The following PITPNA variants were observed in gnomAD, a reference collection of about 807,000 sequenced individuals.
PITPNA encodes phosphatidylinositol transfer protein alpha isoform.
A neutral mutation model predicts 50.3 loss-of-function variants in PITPNA; 13 were observed. The ratio of observed to expected loss-of-function variants is 0.26; its 90% CI spans 0.17 to 0.41. The LOEUF (loss-of-function observed/expected upper bound fraction) is 0.41. Ranked by LOEUF, PITPNA falls within the 10% of genes least tolerant of loss-of-function variation. The pLI is 1.00. For synonymous variants in PITPNA, 120 were observed against 119.6 expected (o/e 1.00, Z -0.02); for missense variants, 207 against 333.4 (o/e 0.62, Z 2.95).
chr17:1,548,227 A>G, intron 4 of PITPNA, 69 bp downstream of exon 4: 2 of 1,002,434 alleles, frequency 2.0e-6, no homozygotes, highest in Admixed American at 2.2e-5. Flanking sequence ...CTAATCCGGA[A>G]CACGCAGGTG....
At chr17:1,558,410 A>C in intron 2 of PITPNA, 119 bp downstream of exon 2, 1 of 692,502 alleles carries the variant, frequency 1.4e-6, no homozygotes, top group Non-Finnish European at 2.5e-6. Flanking sequence ...TCACATTGAA[A>C]TATTTATGTT....
intron 6 of PITPNA, among the ~76,000 whole-genome samples, chr17:1,540,823 G>A (rs377037822): frequency 2.6e-4 from 39 of 152,280 alleles, no homozygotes; most frequent in African/African-American, 8.9e-4. Flanking sequence ...CTGACCTCGT[G>A]ATCCGCCTGC....
intron 10 of PITPNA, among the ~76,000 whole-genome samples, chr17:1,524,269 G>C (rs34879372): frequency 0.43 from 64,269 of 148,018 alleles, 13,948 homozygotes; most frequent in East Asian, 0.55. Context: ...TGGTCTCCAT[G>C]TCCTGACCTC....
rs1384549841 is a variant in PITPNA at position 1,562,331 on chromosome 17, C to G, written c.20+210G>C. 6.7e-6 allele frequency among the ~76,000 whole-genome samples: 1 copy of G among 150,118 alleles called. No homozygotes were observed. The highest frequency in any genetic ancestry group is 1.5e-5 in the Non-Finnish European group (1 of 67,370). On this transcript the variant is annotated intron_variant, in intron 1 of 11. Coordinates refer to ENST00000313486, the MANE Select transcript of PITPNA (RefSeq NM_006224.4). The surrounding 1 kb of genome is among the most constrained non-coding windows in gnomAD (Gnocchi z 6.4). ...CCTCCACGCCCCGGCCGCCCCTCCA[C>G]GCCCCGGCCGCCCCTCCGTGCCCCG...
chr17:1,546,906 AT>A (rs1174047703), intron 4 of PITPNA, among the ~76,000 whole-genome samples: 1 of 152,226 alleles, frequency 6.6e-6, no homozygotes, highest in Non-Finnish European at 1.5e-5. Flanking sequence ...GAAAATAATT[AT>A]ACCTGTATCC....
chr17:1,532,224 AT>A (rs1456826198), intron 10 of PITPNA, among the ~76,000 whole-genome samples: 1 of 152,002 alleles, frequency 6.6e-6, no homozygotes, highest in African/African-American at 2.4e-5. Context: ...AGCAGCTGGG[AT>A]TACAGGTGTC....
chr17:1,541,700 TC>T, intron 5 of PITPNA, 60 bp from the exon 6 acceptor site: 17 of 1,075,910 alleles, frequency 1.6e-5, no homozygotes, highest in Non-Finnish European at 2.3e-5. Flanking sequence ...AGTAACCATC[TC>T]CCATTACTGG....
chr17:1,536,426 G>C (rs555333457), intron 7 of PITPNA, among the ~76,000 whole-genome samples: 2 of 146,370 alleles, frequency 1.4e-5, no homozygotes, highest in African/African-American at 5.1e-5. Flanking sequence ...CAACTGGGAC[G>C]ACAGGTGCCC....
intron 2 of PITPNA, among the ~76,000 whole-genome samples, chr17:1,555,241 T>G (rs1001473867): frequency 6.6e-6 from 1 of 152,228 alleles, no homozygotes; most frequent in African/African-American, 2.4e-5. Flanking sequence ...GGGCAGGTTC[T>G]AAGAGGATCA....
Position 1,549,818 on chromosome 17 carries a change from G to A in PITPNA, c.198-1431C>T, listed in dbSNP as rs1163882576. Among the ~76,000 whole-genome samples, 2 of 145,262 alleles carry A rather than the reference G, an allele frequency of 1.4e-5. 1 individual carries two copies. The highest frequency in any genetic ancestry group is 4.9e-4 in the East Asian group (2 of 4,098). ...GCCTCCTAAGTAGCTGGGACTACAG[G>A]CATGCGCCACCACGCCCAGCTAATT... On this transcript the variant is annotated intron_variant, in intron 3 of 11. Coordinates refer to ENST00000313486, the MANE Select transcript of PITPNA (RefSeq NM_006224.4).
chr17:1,555,801 TGCCAG>T (rs1365881275), intron 2 of PITPNA, among the ~76,000 whole-genome samples: 1 of 152,228 alleles, frequency 6.6e-6, no homozygotes, highest in African/African-American at 2.4e-5. Flanking sequence ...GGCCGACCTG[TGCCAG>T]GAAGCACTGG....
intron 2 of PITPNA, among the ~76,000 whole-genome samples, chr17:1,557,391 T>G (rs1342420144): frequency 2.6e-5 from 4 of 152,168 alleles, no homozygotes; most frequent in Non-Finnish European, 5.9e-5. Flanking sequence ...GTGGAAGTTA[T>G]CACAGGAGCT....
chr17:1,542,070 G>C (rs901199731), intron 5 of PITPNA, among the ~76,000 whole-genome samples: 2 of 151,932 alleles, frequency 1.3e-5, no homozygotes, highest in African/African-American at 2.4e-5. Flanking sequence ...CATGGTGGCG[G>C]GTGCCTGTAA....
At chr17:1,549,965 G>A (rs1170660529) in intron 3 of PITPNA, among the ~76,000 whole-genome samples, 2 of 152,144 alleles carry the variant, frequency 1.3e-5, no homozygotes, top group African/African-American at 4.8e-5. Flanking sequence ...GTGAGCCACC[G>A]CGCCCAGCCG....
intron 6 of PITPNA, among the ~76,000 whole-genome samples, chr17:1,540,343 G>C (rs2075641859): frequency 6.6e-6 from 1 of 152,116 alleles, no homozygotes; most frequent in Non-Finnish European, 1.5e-5. Flanking sequence ...TCCTCTTCTT[G>C]CTTGTCCCTC....
chr17:1,518,207 G>A lies in PITPNA; in HGVS notation c.*2354C>T, dbSNP rs1189539968. 1.3e-5 allele frequency: 2 copies of A among 152,350 alleles called. No homozygotes were observed. The highest frequency in any genetic ancestry group is 1.9e-4 in the East Asian group (1 of 5,192). 9.4% of individuals were successfully genotyped at this position (152,350 alleles called of 1,614,324 possible). On this transcript the variant is annotated 3_prime_UTR_variant, in exon 12 of 12. Transcript: ENST00000313486. ...CTTGGGAAGCTATACACATGCCCAC[G>A]ATACTGACCCTGTCCCGGACCTCTC... is the stretch of plus-strand genomic sequence containing the variant.
In PITPNA at chr17:1,522,832, G is replaced by A. The variant is rs1033110603; in HGVS notation, c.769-1187C>T. ...TGTCAGCTAGGACTGTGGGCTGCTC[G>A]GATACAGAATGACTGTGGGTAAGTG... On this transcript the variant is annotated intron_variant, in intron 10 of 11. Coordinates refer to ENST00000313486, the MANE Select transcript of PITPNA (RefSeq NM_006224.4). Among the ~76,000 whole-genome samples the A allele has an allele frequency of 5.3e-5, 8 of 152,204 alleles. No homozygotes were observed. In the South Asian group the frequency reaches 6.2e-4, roughly 12 times the overall value.
chr17:1,538,718 A>T, intron 7 of PITPNA, 151 bp downstream of exon 7: 1 of 546,966 alleles, frequency 1.8e-6, no homozygotes, highest in Non-Finnish European at 3.2e-6. Flanking sequence ...CAAGACAAGA[A>T]ATCTCCTAAT....
chr17:1,538,604 CA>C (rs927462994), intron 7 of PITPNA: 5 of 312,618 alleles, frequency 1.6e-5, no homozygotes, highest in African/African-American at 1.1e-4. Flanking sequence ...TTTAGCAGGG[CA>C]AAATACTCTA....
Sources: gnomAD v4.1 joint callset for allele counts (sites outside exome capture counted in the v4.1 genomes callset) on GRCh38, gnomAD v4.1.1 for gene constraint, Gnocchi (gnomAD v3.1) non-coding constraint, MANE v1.5 for transcripts, NCBI Gene and HGNC (gene_info 2026-07-23, HGNC 2026-07-21) for gene names.